LPAR1: variants seen among roughly 807,000 people sequenced by gnomAD.
The protein encoded by LPAR1 is lysophosphatidic acid receptor 1.
Under a neutral mutation model 23.8 loss-of-function variants are expected in LPAR1, and 5 were observed. The observed-to-expected ratio is 0.21, with a 90% CI of 0.11 to 0.44. LPAR1 has a LOEUF of 0.44. LPAR1 is among the 20% of genes least tolerant of loss of function. The probability of loss-of-function intolerance (pLI) is 0.99; values close to 1 mark genes in which losing one functional copy is unlikely to be tolerated. For synonymous variants in LPAR1, 160 were observed against 164.7 expected, an observed-to-expected ratio of 0.97 and a Z score of 0.22; for missense variants, 311 against 482.8, an observed-to-expected ratio of 0.64 and a Z score of 3.33.
intron 4 of LPAR1, 96 bp downstream of exon 4, chr9:110,971,977 C>T: frequency 9.7e-7 from 1 of 1,030,056 alleles, no homozygotes. Flanking sequence ...GAGAGATATA[C>T]ATGATCCCTA....
chr9:110,981,439 T>C (rs1270419663), intron 2 of LPAR1, among the ~76,000 whole-genome samples: 1 of 152,036 alleles, frequency 6.6e-6, no homozygotes, highest in Non-Finnish European at 1.5e-5. Flanking sequence ...TTGATTAATG[T>C]ACCTAAGACA....
chr9:110,958,076 C>T (rs1022836934), intron 4 of LPAR1, among the ~76,000 whole-genome samples: 3 of 151,996 alleles, frequency 2.0e-5, no homozygotes, highest in Non-Finnish European at 4.4e-5. Flanking sequence ...ATGAAAGAAA[C>T]TGAAGAGGAC....
At chr9:110,963,214 A>G (rs944586364) in intron 4 of LPAR1, among the ~76,000 whole-genome samples, 3 of 152,268 alleles carry the variant, frequency 2.0e-5, no homozygotes, top group Admixed American at 1.3e-4. Context: ...GTACAATTTC[A>G]TCTTATGAAT....
chr9:110,968,465 G>C (rs1479405421), intron 4 of LPAR1, among the ~76,000 whole-genome samples: 1 of 151,572 alleles, frequency 6.6e-6, no homozygotes, highest in Non-Finnish European at 1.5e-5. Context: ...ACATACCTTG[G>C]GACACTTGAC....
intron 2 of LPAR1, among the ~76,000 whole-genome samples, chr9:110,981,443 T>C (rs2138997603): frequency 6.6e-6 from 1 of 152,162 alleles, no homozygotes; most frequent in Middle Eastern, 3.4e-3. Context: ...TTAATGTACC[T>C]AAGACACCTG....
chr9:110,951,209 A>T (rs1348184800), intron 4 of LPAR1, among the ~76,000 whole-genome samples: 1 of 152,100 alleles, frequency 6.6e-6, no homozygotes, highest in African/African-American at 2.4e-5. Flanking sequence ...ATATAATAAA[A>T]TATAATTTTA....
upstream of LPAR1, chr9:111,038,502 G>T (rs2097943841): frequency 4.9e-6 from 2 of 408,556 alleles, no homozygotes; most frequent in South Asian, 3.4e-5. The surrounding 1 kb of genome is among the most constrained non-coding windows in gnomAD (Gnocchi z 4.4). Context: ...AGGAGGAGGG[G>T]GCGCAGAGGG....
intron 5 of LPAR1, among the ~76,000 whole-genome samples, chr9:110,901,249 A>C (rs530330472): frequency 2.0e-5 from 3 of 152,300 alleles, no homozygotes; most frequent in Admixed American, 1.3e-4. Context: ...TCGTGGCCTA[A>C]AGATAGAGTA....
At chr9:110,980,882 T>C (rs922344317) in intron 2 of LPAR1, among the ~76,000 whole-genome samples, 1 of 152,066 alleles carries the variant, frequency 6.6e-6, no homozygotes, top group Non-Finnish European at 1.5e-5. Flanking sequence ...TATCAAAATA[T>C]CACACTGTAT....
At chr9:110,976,072 G>A (rs4373591) in intron 2 of LPAR1, among the ~76,000 whole-genome samples, 1 of 152,078 alleles carries the variant, frequency 6.6e-6, no homozygotes, top group African/African-American at 2.4e-5. Context: ...AGACAAAAAA[G>A]ACATTACCCT....
chr9:110,937,538 T>G (rs960274249), intron 5 of LPAR1, among the ~76,000 whole-genome samples: 5 of 152,172 alleles, frequency 3.3e-5, no homozygotes, highest in African/African-American at 1.2e-4. Flanking sequence ...TAACAGTACC[T>G]ATACGCCATA....
At chr9:110,943,060 C>T (rs1410154828) in intron 4 of LPAR1, among the ~76,000 whole-genome samples, 3 of 147,282 alleles carry the variant, frequency 2.0e-5, no homozygotes, top group Non-Finnish European at 4.5e-5. Context: ...CAGTTTAAAA[C>T]AGAATAATAT....
chr9:111,030,455 T>G (rs1252362693), intron 2 of LPAR1, among the ~76,000 whole-genome samples: 2 of 151,872 alleles, frequency 1.3e-5, no homozygotes, highest in Admixed American at 6.6e-5. Flanking sequence ...AAGGCGGGGG[T>G]CCTCACTGAA....
At chr9:111,034,776 C>CTCCT (rs1243103301) in intron 2 of LPAR1, among the ~76,000 whole-genome samples, 1 of 152,124 alleles carries the variant, frequency 6.6e-6, no homozygotes, top group Non-Finnish European at 1.5e-5. Flanking sequence ...GTAATACTTC[C>CTCCT]TCCTTGCCTC....
chr9:110,995,044 A>T (rs922475259), intron 2 of LPAR1, among the ~76,000 whole-genome samples: 4 of 152,182 alleles, frequency 2.6e-5, no homozygotes, highest in African/African-American at 9.7e-5. Context: ...AACAAAGACA[A>T]AGGCAGATGC....
At chr9:110,905,557 G>T (rs887228113) in intron 5 of LPAR1, among the ~76,000 whole-genome samples, 12 of 151,928 alleles carry the variant, frequency 7.9e-5, no homozygotes, top group Non-Finnish European at 1.5e-4. Flanking sequence ...GTTTCACCAT[G>T]TTGGCCAGGC....
intron 5 of LPAR1, among the ~76,000 whole-genome samples, chr9:110,937,435 TC>T (rs1340634525): frequency 6.6e-6 from 1 of 152,180 alleles, no homozygotes; most frequent in East Asian, 1.9e-4. Context: ...GAATCCCCGT[TC>T]CTATACTTCC....
intron 2 of LPAR1, among the ~76,000 whole-genome samples, chr9:111,024,636 G>A (rs1405809362): frequency 6.6e-6 from 1 of 151,068 alleles, no homozygotes; most frequent in African/African-American, 2.4e-5. Flanking sequence ...GTGCCATGGT[G>A]GTTTGCTGCA....
At chr9:110,911,719 T>C (rs898656103) in intron 5 of LPAR1, among the ~76,000 whole-genome samples, 1 of 152,224 alleles carries the variant, frequency 6.6e-6, no homozygotes, top group East Asian at 1.9e-4. Context: ...TTTTAAGACA[T>C]ACTACTATTG....
Sources: allele counts gnomAD v4.1 joint callset (sites outside exome capture counted in the v4.1 genomes callset), GRCh38; gene constraint gnomAD v4.1.1; non-coding constraint Gnocchi (gnomAD v3.1); transcripts MANE v1.5; gene names NCBI Gene and HGNC (gene_info 2026-07-23, HGNC 2026-07-21).